KRT78: variants seen among roughly 807,000 people sequenced by gnomAD.
KRT78 encodes the protein keratin 78.
Under a neutral mutation model 51.4 loss-of-function variants are expected in KRT78, and 55 were observed. That is an observed-to-expected ratio of 1.07 (90% CI 0.86 to 1.34). The LOEUF (loss-of-function observed/expected upper bound fraction) is 1.34. Among genes scored for constraint, KRT78 ranks in the 40% most tolerant of loss-of-function variants. The pLI is 0.00. For missense variants in KRT78, 652 were observed against 649.4 expected (o/e 1.00, Z -0.04); for synonymous variants, 291 against 264.3 (o/e 1.10, Z -0.98).
intron 6 of KRT78, among the ~76,000 whole-genome samples, chr12:52,842,864 G>A (rs994373201): frequency 2.7e-5 from 4 of 150,566 alleles, no homozygotes; most frequent in Non-Finnish European, 5.9e-5. Flanking sequence ...GCATTAAGCC[G>A]AGATCACGCC....
rs1354632648 is a variant in KRT78 at position 52,844,589 on chromosome 12, C to T, written c.891G>A (p.Lys297=). ...TCTGGTACAAGGCCTCAGCCTCAGC[C>T]TTGCTGCTCCGGGCGATCTCCTCGT... The part of the protein sequence containing the change: ...ARYEEIARSS[K]AEAEALYQTK... Residue 297 remains lysine, a synonymous_variant, in exon 5 of 9, where the codon AAG becomes AAA. Coordinates refer to ENST00000304620, the MANE Select transcript of KRT78 (RefSeq NM_173352.4). 5 of 1,614,036 alleles carry T rather than the reference C, an allele frequency of 3.1e-6. No individual in the cohort carries two copies. The highest frequency in any genetic ancestry group is 4.2e-6 in the Non-Finnish European group (5 of 1,179,948).
intron 6 of KRT78, among the ~76,000 whole-genome samples, chr12:52,840,663 T>C (rs1008308686): frequency 2.6e-5 from 4 of 151,988 alleles, no homozygotes; most frequent in East Asian, 3.9e-4. Flanking sequence ...GCCAAGATCA[T>C]GCCACTGCAC....
At chr12:52,845,435 C>G (rs1218424514) in intron 4 of KRT78, among the ~76,000 whole-genome samples, 3 of 152,170 alleles carry the variant, frequency 2.0e-5, no homozygotes, top group Admixed American at 6.5e-5. Flanking sequence ...TCCCAGAAAC[C>G]CACCTGCGTG....
chr12:52,840,890 A>C (rs1250058734), intron 6 of KRT78, among the ~76,000 whole-genome samples: 1 of 152,120 alleles, frequency 6.6e-6, no homozygotes, highest in African/African-American at 2.4e-5. Flanking sequence ...CAGGACTGGG[A>C]GAGATTACAT....
Position 52,841,141 on chromosome 12 carries a change from T to C in KRT78, c.1048-1157A>G, listed in dbSNP as rs570238926. Among the ~76,000 whole-genome samples, 89 of 152,272 alleles carry C rather than the reference T, an allele frequency of 5.8e-4. 1 individual carries two copies. The South Asian group carries it at 0.018, about 32-fold the overall frequency. On this transcript the variant is annotated intron_variant, in intron 6 of 8. Transcript: ENST00000304620. Reference sequence around the variant, plus strand: ...AGACAGTCCCATTTCAAATACTTTGTCCTGTTGTCAGAGTACATCAAAACA... The same window carrying C: ...AGACAGTCCCATTTCAAATACTTTGCCCTGTTGTCAGAGTACATCAAAACA...
rs775761881 is a variant in KRT78 at position 52,846,238 on chromosome 12, G to A, written c.715C>T (p.Leu239=). ...TTCAAGAAGTAGAGGTACTCTCTCA[G>A]AGCCTCCAGCTTGCCCTCCAACTCC... ...KMELEGKLEA[L]REYLYFLKHL... is the part of the protein sequence containing the mutation. Residue 239 remains leucine, a synonymous_variant, in exon 4 of 9, where the codon CTG becomes TTG. Transcript: ENST00000304620. 7 of 1,613,840 alleles carry A rather than the reference G, an allele frequency of 4.3e-6. No homozygotes were observed. In the East Asian group the frequency reaches 1.3e-4, roughly 31 times the overall value.
At position 52,841,938 on chromosome 12, in the gene KRT78, C is replaced by A. The variant is rs1940509349; in HGVS notation, c.1048-1954G>T. Among the ~76,000 whole-genome samples, 4 of 152,212 alleles carry A rather than the reference C, an allele frequency of 2.6e-5. 1 individual carries two copies. The South Asian group carries it at 8.3e-4, about 32-fold the overall frequency. On this transcript the variant is annotated intron_variant, in intron 6 of 8. Transcript: ENST00000304620. Reference sequence around the variant, plus strand: ...ACCACATGCTTCAGAACCAGCTGGGCAACCTCATTTAAAAAGCAGGTTTCT... The same window carrying A: ...ACCACATGCTTCAGAACCAGCTGGGAAACCTCATTTAAAAAGCAGGTTTCT...
chr12:52,839,967 G>A lies in KRT78; in HGVS notation c.1065C>T (p.Ala355=), dbSNP rs550368583. Residue 355 remains alanine (A), a synonymous_variant, in exon 7 of 9, where the codon GCC becomes GCT. Transcript: ENST00000304620. The stretch of plus-strand genomic sequence containing the variant: ...CACGCTGCTCAGCATCAGTGATGGC[G>A]GCCTGCAGGCTGGCGTTCTGGAAGC... ...NLKKQNASLQ[A]AITDAEQRGE... The A allele has an allele frequency of 4.3e-5, 69 of 1,612,984 alleles. No homozygotes were observed. The highest frequency in any genetic ancestry group is 1.8e-4 in the South Asian group (16 of 91,062).
At position 52,848,697 on chromosome 12, in the gene KRT78, G is replaced by A; in HGVS notation, c.234C>T (p.Cys78=). 1 of 1,613,054 alleles carries A rather than the reference G, an allele frequency of 6.2e-7. No homozygotes were observed. Among genetic ancestry groups the A allele is most frequent in the Non-Finnish European group, 8.5e-7 (1 of 1,179,428 alleles). ...TCACTTCTTGGATGCCCCCCGGAGG[G>A]CACAGGGAGAGCCCAGGCCCACCAC... The part of the protein sequence containing the change: ...EWSGGPGLSL[C]PPGGIQEVTI... The change falls in exon 1 of 9, where the codon TGC becomes TGT. Residue 78 remains cysteine, a synonymous_variant. Transcript: ENST00000304620.
chr12:52,845,341 G>A (rs1278701509), intron 4 of KRT78, among the ~76,000 whole-genome samples: 2 of 151,742 alleles, frequency 1.3e-5, no homozygotes, highest in African/African-American at 2.4e-5. Context: ...TCTCCCTCTC[G>A]CTCCTACTAC....
chr12:52,839,644 C>T, intron 7 of KRT78, 120 bp downstream of exon 7: 1 of 1,300,386 alleles, frequency 7.7e-7, no homozygotes, highest in Non-Finnish European at 1.1e-6. Flanking sequence ...GTCGGTTGCC[C>T]TTAGCAACTC....
intron 3 of KRT78, 105 bp from the exon 4 acceptor site, chr12:52,846,397 G>C (rs1389380909): frequency 1.3e-6 from 1 of 767,970 alleles, no homozygotes; most frequent in Non-Finnish European, 2.3e-6. Flanking sequence ...CATCCACCAT[G>C]CCTCCCAAGA....
At position 52,839,969 on chromosome 12, in the gene KRT78, C is replaced by T. The variant is rs540018657; in HGVS notation, c.1063G>A (p.Ala355Thr). 63 of 1,612,844 alleles carry T rather than the reference C, an allele frequency of 3.9e-5. 1 individual carries two copies. The Admixed American group carries it at 9.0e-4, about 23-fold the overall frequency. Residue 355 changes from alanine (A) to threonine (T), a missense_variant, in exon 7 of 9, where the codon GCC becomes ACC. Physicochemically the swap from Ala to Thr is moderately conservative, Grantham distance 58. Coordinates refer to ENST00000304620, the MANE Select transcript of KRT78 (RefSeq NM_173352.4). ...NLKKQNASLQ[A>T]AITDAEQRGE... is the part of the protein sequence containing the mutation. ...CGCTGCTCAGCATCAGTGATGGCGG[C>T]CTGCAGGCTGGCGTTCTGGAAGCGG...
In KRT78 at chr12:52,847,908, T is replaced by G; in HGVS notation, c.598A>C (p.Lys200Gln). Reference protein sequence around the residue: ...CRDQEEEYKSKYEEEAHRRAT... With the variant: ...CRDQEEEYKSQYEEEAHRRAT... ...ATGGGGAAATTTCAGTGTGCCTACT[T>G]GGACTTATACTCCTCCTCCTGGTCC... Residue 200 changes from lysine to glutamine, a missense_variant and splice_region_variant, in exon 2 of 9, where the codon AAG becomes CAG. Physicochemically the swap from Lys to Gln is moderately conservative, Grantham distance 53. Transcript: ENST00000304620. The G allele has an allele frequency of 6.2e-7, 1 of 1,613,894 alleles. No individual in the cohort carries two copies. Among genetic ancestry groups the G allele is most frequent in the Non-Finnish European group, 8.5e-7 (1 of 1,179,816 alleles).
rs375196847 is a variant in KRT78 at position 52,845,106 on chromosome 12, T to C, written c.757-383A>G. 1.0e-4 allele frequency among the ~76,000 whole-genome samples: 15 copies of C among 150,222 alleles called. No individual in the cohort carries two copies. In the East Asian group the frequency reaches 2.5e-3, roughly 26 times the overall value. On this transcript the variant is annotated intron_variant, in intron 4 of 8. Transcript: ENST00000304620. ...TCTCGGCTCACTGTAACCTCTGCCT[T>C]CCAGGTTCAAGCCATTCTTCTCCCT...
chr12:52,848,518 G>A (rs1940700450), intron 1 of KRT78, 29 bp downstream of exon 1: 1 of 1,610,406 alleles, frequency 6.2e-7, no homozygotes, highest in East Asian at 2.2e-5. Context: ...GAGGCACAGA[G>A]ACAGGGGCTT....
chr12:52,843,576 G>A (rs1473051832), intron 6 of KRT78, among the ~76,000 whole-genome samples: 3 of 147,248 alleles, frequency 2.0e-5, no homozygotes, highest in Admixed American at 1.4e-4. Context: ...TGTAATTCCA[G>A]CTACTCAAGA....
In KRT78 at chr12:52,848,685, GC is replaced by G. The variant is rs769740852; in HGVS notation, c.245del (p.Gly82AlafsTer5). The G allele has an allele frequency of 1.9e-6, 3 of 1,612,798 alleles. No individual in the cohort carries two copies. The highest frequency in any genetic ancestry group is 1.7e-4 in the Middle Eastern group (1 of 6,054). On this transcript the variant is annotated frameshift_variant, in exon 1 of 9. Transcript: ENST00000304620. LOFTEE classifies it high-confidence loss of function. ...TCTGGTTGATGGTCACTTCTTGGATGCCCCCCGGAGGGCACAGGGAGAGCCC... is the reference window on the plus strand; with the variant it reads ...TCTGGTTGATGGTCACTTCTTGGATGCCCCCGGAGGGCACAGGGAGAGCCC... ...GPGLSLCPPG[G>X]IQEVTINQNL... is the part of the protein sequence containing the mutation.
chr12:52,842,959 G>GAGAGTGAAAGGAAGGAAGGA (rs1299063277), intron 6 of KRT78, among the ~76,000 whole-genome samples: 1 of 53,724 alleles, frequency 1.9e-5, no homozygotes, highest in Admixed American at 2.1e-4. Flanking sequence ...GAGAGAGAGA[G>GAGAGTGAAAGGAAGGAAGGA]AGGAAGGAAG....
Sources: gnomAD v4.1 joint callset for allele counts (sites outside exome capture counted in the v4.1 genomes callset) on GRCh38, gnomAD v4.1.1 for gene constraint, MANE v1.5 for transcripts, NCBI Gene and HGNC (gene_info 2026-07-23, HGNC 2026-07-21) for gene names.